The following ATP6V1H variants were observed in gnomAD, a reference collection of about 807,000 sequenced individuals.
The protein encoded by ATP6V1H is V-type proton ATPase subunit H.
ATP6V1H carries 39 observed loss-of-function variants against 71.7 expected under a neutral mutation model. The observed-to-expected ratio is 0.54, with a 90% CI of 0.42 to 0.71. The LOEUF (loss-of-function observed/expected upper bound fraction) is 0.71, where lower values mean the gene tolerates loss of function less well. ATP6V1H is among the 30% of genes least tolerant of loss of function. The probability of loss-of-function intolerance (pLI) is 0.00; values close to 1 mark genes in which losing one functional copy is unlikely to be tolerated. For missense variants in ATP6V1H, 509 were observed against 594.9 expected, an observed-to-expected ratio of 0.86 and a Z score of 1.50; for synonymous variants, 192 against 199.3, an observed-to-expected ratio of 0.96 and a Z score of 0.31.
At chr8:53,814,875 C>T (rs1467504175) in intron 5 of ATP6V1H, 109 bp from the exon 6 acceptor site, 1 of 623,800 alleles carries the variant, frequency 1.6e-6, no homozygotes, top group African/African-American at 1.9e-5. Flanking sequence ...TCTTAACACT[C>T]AACCCCTCTA....
chr8:53,770,588 A>C (rs540569772), intron 10 of ATP6V1H, among the ~76,000 whole-genome samples: 5 of 152,348 alleles, frequency 3.3e-5, no homozygotes, highest in Admixed American at 1.3e-4. Context: ...AGTTAGTATA[A>C]GAAGTAAACA....
rs571610748 is a variant in ATP6V1H at position 53,743,566 on chromosome 8, C to A, written c.1391+11G>T. The A allele has an allele frequency of 6.2e-6, 10 of 1,606,124 alleles. No homozygotes were observed. The South Asian group carries it at 9.9e-5, about 16-fold the overall frequency. ...CTAATGTACAAGTGTGAGCAAAAAG[C>A]CGTGGCATACCAGTTGTGCACCATG... On this transcript the variant is annotated intron_variant, in intron 13 of 13. Coordinates refer to ENST00000359530, the MANE Select transcript of ATP6V1H (RefSeq NM_015941.4).
intron 13 of ATP6V1H, among the ~76,000 whole-genome samples, chr8:53,728,568 G>A (rs1279018569): frequency 6.6e-6 from 1 of 152,148 alleles, no homozygotes; most frequent in African/African-American, 2.4e-5. Context: ...TCACTGGGCT[G>A]TGCTCCTCTA....
At chr8:53,802,570 A>C (rs976806151) in intron 7 of ATP6V1H, among the ~76,000 whole-genome samples, 4 of 151,950 alleles carry the variant, frequency 2.6e-5, no homozygotes, top group African/African-American at 9.7e-5. Flanking sequence ...AATACAAAAA[A>C]TTAGCTGGGC....
At chr8:53,760,800 T>C (rs1354772942) in intron 11 of ATP6V1H, among the ~76,000 whole-genome samples, 2 of 152,122 alleles carry the variant, frequency 1.3e-5, no homozygotes, top group Non-Finnish European at 2.9e-5. Context: ...AAACTCATAA[T>C]ACCCCTTCCC....
chr8:53,766,640 G>A (rs1808477995), intron 11 of ATP6V1H, among the ~76,000 whole-genome samples: 1 of 152,236 alleles, frequency 6.6e-6, no homozygotes. Flanking sequence ...CTGAGAAAGA[G>A]AATGCGCACC....
chr8:53,818,826 T>A (rs1246435144), intron 4 of ATP6V1H, among the ~76,000 whole-genome samples: 2 of 152,244 alleles, frequency 1.3e-5, no homozygotes, highest in Non-Finnish European at 2.9e-5. Context: ...AGAAAAAAAA[T>A]TATTATAAAT....
intron 11 of ATP6V1H, among the ~76,000 whole-genome samples, chr8:53,764,834 A>G (rs909315009): frequency 1.3e-5 from 2 of 151,870 alleles, no homozygotes; most frequent in Admixed American, 1.3e-4. Context: ...ATGGTGGCTC[A>G]TGCCTATAAT....
chr8:53,815,905 T>C (rs946826238), intron 5 of ATP6V1H, among the ~76,000 whole-genome samples: 6 of 152,138 alleles, frequency 3.9e-5, no homozygotes, highest in Non-Finnish European at 5.9e-5. Flanking sequence ...CAAAAGTAAA[T>C]GAAATTACCA....
Position 53,801,890 on chromosome 8 carries a change from G to A in ATP6V1H, c.586C>T (p.Gln196Ter). The change falls in exon 8 of 14, where the codon CAG becomes TAG. Residue 196 changes from glutamine (Q) to a stop codon, truncating the protein, a stop_gained. Transcript: ENST00000359530. LOFTEE classifies it high-confidence loss of function. ...CACCCGGCCACGCACTGCACATACTGCGAACTCTGCACAAGAAGAAGTGTT... is the reference window on the plus strand; with the variant it reads ...CACCCGGCCACGCACTGCACATACTACGAACTCTGCACAAGAAGAAGTGTT... ...TGTVSSSDSS[Q>*]YVQCVAGCLQ... 1 of 1,613,188 alleles carries A rather than the reference G, an allele frequency of 6.2e-7. No homozygotes were observed. The highest frequency in any genetic ancestry group is 8.5e-7 in the Non-Finnish European group (1 of 1,179,592).
chr8:53,731,954 G>A (rs1807041567), intron 13 of ATP6V1H, among the ~76,000 whole-genome samples: 1 of 152,252 alleles, frequency 6.6e-6, no homozygotes, highest in Admixed American at 6.5e-5. Flanking sequence ...GATCAATGCA[G>A]TGGCTGAACA....
Position 53,802,588 on chromosome 8 carries a change from C to T in ATP6V1H, c.580-692G>A, listed in dbSNP as rs181494615. 3.1e-4 allele frequency among the ~76,000 whole-genome samples: 47 copies of T among 152,040 alleles called. 1 individual carries two copies. In the East Asian group the frequency reaches 8.3e-3, roughly 27 times the overall value. ...ACAAAAAATTAGCTGGGCCTGGTGGCGCACACCTGTAATCCCAGCTACTTG... is the reference window on the plus strand; with the variant it reads ...ACAAAAAATTAGCTGGGCCTGGTGGTGCACACCTGTAATCCCAGCTACTTG... On this transcript the variant is annotated intron_variant, in intron 7 of 13. Transcript: ENST00000359530.
chr8:53,743,190 T>C (rs978860395), intron 13 of ATP6V1H, among the ~76,000 whole-genome samples: 1 of 152,330 alleles, frequency 6.6e-6, no homozygotes, highest in African/African-American at 2.4e-5. Flanking sequence ...AGTGTTTTTA[T>C]GTGAATTGGT....
chr8:53,811,081 T>C (rs570781313), intron 7 of ATP6V1H, 83 bp downstream of exon 7: 59 of 1,215,444 alleles, frequency 4.9e-5, no homozygotes, highest in Non-Finnish European at 7.2e-6. Flanking sequence ...GGGGAACTAG[T>C]AAACACCTTC....
intron 5 of ATP6V1H, among the ~76,000 whole-genome samples, 179 bp downstream of exon 5, chr8:53,817,238 A>T (rs956728461): frequency 7.3e-5 from 8 of 109,270 alleles, no homozygotes; most frequent in South Asian, 3.5e-4. Context: ...CTTTGTATTT[A>T]AAAAAAAAAA....
In ATP6V1H at chr8:53,797,848, A is replaced by T. The variant is rs865922603; in HGVS notation, c.678-2009T>A. On this transcript the variant is annotated intron_variant, in intron 8 of 13. Transcript: ENST00000359530. ...ACCCCATCTCTATCAAAAAAACATAACAATACCAAAAAATTTCCCAAAAAA... is the reference window on the plus strand; with the variant it reads ...ACCCCATCTCTATCAAAAAAACATATCAATACCAAAAAATTTCCCAAAAAA... Among the ~76,000 whole-genome samples the T allele has an allele frequency of 6.6e-5, 10 of 152,316 alleles. 1 individual carries two copies. In the South Asian group the frequency reaches 1.4e-3, roughly 22 times the overall value.
chr8:53,783,938 T>C (rs1321216150), intron 9 of ATP6V1H, among the ~76,000 whole-genome samples: 1 of 152,252 alleles, frequency 6.6e-6, no homozygotes, highest in Non-Finnish European at 1.5e-5. Context: ...CTCTTACATT[T>C]GCTAAGGGGT....
At chr8:53,817,347 G>C in intron 5 of ATP6V1H, 70 bp downstream of exon 5, 1 of 1,060,144 alleles carries the variant, frequency 9.4e-7, no homozygotes, top group Admixed American at 2.2e-5. Flanking sequence ...AGACCAGCCT[G>C]GACAACATAG....
In ATP6V1H at chr8:53,821,233, T is replaced by C. The variant is rs537239473; in HGVS notation, c.307-3703A>G. Among the ~76,000 whole-genome samples the C allele has an allele frequency of 2.3e-3, 338 of 150,192 alleles. 2 individuals are homozygous for C. Among genetic ancestry groups the C allele is most frequent in the African/African-American group, 7.9e-3 (322 of 40,820 alleles). On this transcript the variant is annotated intron_variant, in intron 4 of 13. Coordinates refer to ENST00000359530, the MANE Select transcript of ATP6V1H (RefSeq NM_015941.4). ...TAAAAATACAACAAAATTAGCTGGGTATGGTGGTGCATGCCTGTAGTCCCA... is the reference window on the plus strand; with the variant it reads ...TAAAAATACAACAAAATTAGCTGGGCATGGTGGTGCATGCCTGTAGTCCCA...
Sources: allele counts gnomAD v4.1 joint callset (sites outside exome capture counted in the v4.1 genomes callset), GRCh38; gene constraint gnomAD v4.1.1; transcripts MANE v1.5; gene names NCBI Gene and HGNC (gene_info 2026-07-23, HGNC 2026-07-21).